KLHL1: variants seen among roughly 807,000 people sequenced by gnomAD.
KLHL1 encodes the protein kelch like family member 1, also known as kelch-like protein 1.
In KLHL1, 47 loss-of-function variants were observed where a neutral mutation model predicts 77.7. The observed-to-expected ratio is 0.60, with a 90% CI of 0.48 to 0.77. The LOEUF is 0.77. Ranked by LOEUF, KLHL1 falls within the 30% of genes least tolerant of loss-of-function variation. KLHL1 has a pLI of 0.00. For synonymous variants in KLHL1, 360 were observed against 325.2 expected, an observed-to-expected ratio of 1.11 and a Z score of -1.15; for missense variants, 925 against 910.8, an observed-to-expected ratio of 1.02 and a Z score of -0.20.
Position 69,967,297 on chromosome 13 carries a change from A to C in KLHL1, c.681-5853T>G, listed in dbSNP as rs187389564. Among the ~76,000 whole-genome samples, 319 of 152,272 alleles carry C rather than the reference A, an allele frequency of 2.1e-3. 4 individuals carry two copies. The highest frequency in any genetic ancestry group is 7.5e-3 in the African/African-American group (311 of 41,566). On this transcript the variant is annotated intron_variant, in intron 2 of 10. Transcript: ENST00000377844. ...AAGTACATTCATAAGTCATGGGAGGAAGTAAAAATAACAACTAGTTTGGAA... is the reference window on the plus strand; with the variant it reads ...AAGTACATTCATAAGTCATGGGAGGCAGTAAAAATAACAACTAGTTTGGAA...
intron 1 of KLHL1, among the ~76,000 whole-genome samples, chr13:70,075,600 C>CAT (rs1555295396): frequency 2.0e-4 from 13 of 63,644 alleles, no homozygotes; most frequent in African/African-American, 7.4e-4. Flanking sequence ...CACACACACA[C>CAT]ATATATATAG....
Position 69,975,734 on chromosome 13 carries a change from T to G in KLHL1, c.566A>C (p.Tyr189Ser). The G allele has an allele frequency of 6.2e-7, 1 of 1,613,558 alleles. No individual in the cohort carries two copies. The highest frequency in any genetic ancestry group is 2.2e-5 in the East Asian group (1 of 44,816). ...DLDSSSSEEFYQAVHHAEQTF... is the reference protein window; with the variant it reads ...DLDSSSSEEFSQAVHHAEQTF... Reference sequence around the variant, plus strand: ...TTGCTCAGCATGATGAACAGCTTGATAGAATTCTTCAGAGCTACTGGAGTC... The same window carrying G: ...TTGCTCAGCATGATGAACAGCTTGAGAGAATTCTTCAGAGCTACTGGAGTC... The change falls in exon 2 of 11, where the codon TAT becomes TCT. Residue 189 changes from tyrosine to serine, a missense_variant. Coordinates refer to ENST00000377844, the MANE Select transcript of KLHL1 (RefSeq NM_020866.3).
At chr13:69,854,299 A>T (rs936696484) in intron 5 of KLHL1, among the ~76,000 whole-genome samples, 38 of 152,026 alleles carry the variant, frequency 2.5e-4, no homozygotes, top group African/African-American at 8.0e-4. Context: ...GAGGAAGATG[A>T]AGGGGGGCCA....
intron 4 of KLHL1, among the ~76,000 whole-genome samples, chr13:69,922,475 A>T (rs2138266471): frequency 6.6e-6 from 1 of 152,312 alleles, no homozygotes; most frequent in South Asian, 2.1e-4. Flanking sequence ...CTGTTTGCTA[A>T]TAGCTTATAC....
chr13:69,855,333 T>G (rs758649037), intron 5 of KLHL1, among the ~76,000 whole-genome samples: 62 of 98,038 alleles, frequency 6.3e-4, no homozygotes, highest in Non-Finnish European at 8.3e-4. Flanking sequence ...GATAGATAGA[T>G]AGATAGATAG....
intron 6 of KLHL1, among the ~76,000 whole-genome samples, chr13:69,819,944 C>T (rs1008294683): frequency 1.8e-4 from 27 of 152,178 alleles, no homozygotes; most frequent in Admixed American, 1.3e-3. Context: ...AGTCAGAGGG[C>T]TCTCTGCTTG....
chr13:69,845,122 C>T (rs1879409318), intron 5 of KLHL1, among the ~76,000 whole-genome samples: 2 of 151,680 alleles, frequency 1.3e-5, no homozygotes, highest in Admixed American at 1.3e-4. Context: ...ACCATTTTAC[C>T]ACAGTGCAAA....
intron 1 of KLHL1, among the ~76,000 whole-genome samples, chr13:70,041,321 G>A (rs1446624953): frequency 6.6e-6 from 1 of 152,090 alleles, no homozygotes; most frequent in African/African-American, 2.4e-5. Context: ...TGCAACCCAG[G>A]TGTTATAAAT....
rs377751835 is a variant in KLHL1 at position 69,813,014 on chromosome 13, T to C, written c.1415-16052A>G. 1.3e-4 allele frequency among the ~76,000 whole-genome samples: 20 copies of C among 149,910 alleles called. No individual in the cohort carries two copies. The East Asian group carries it at 2.2e-3, about 16-fold the overall frequency. On this transcript the variant is annotated intron_variant, in intron 6 of 10. Coordinates refer to ENST00000377844, the MANE Select transcript of KLHL1 (RefSeq NM_020866.3). ...ATTATAAATCATGCTGCTATAAAGA[T>C]ACATGCACACATATGTTTATTGTGG...
intron 1 of KLHL1, among the ~76,000 whole-genome samples, chr13:70,101,924 T>C (rs376952870): frequency 6.7e-6 from 1 of 148,534 alleles, no homozygotes; most frequent in East Asian, 2.0e-4. Context: ...GTAAACTATG[T>C]AACACAGAAA....
intron 1 of KLHL1, among the ~76,000 whole-genome samples, chr13:70,061,471 G>A (rs1886883804): frequency 6.6e-6 from 1 of 151,912 alleles, no homozygotes; most frequent in South Asian, 2.1e-4. Flanking sequence ...ATTCCCTTAA[G>A]TTAGTAAGTG....
chr13:70,003,155 A>T (rs180899504), intron 1 of KLHL1, among the ~76,000 whole-genome samples: 2 of 151,880 alleles, frequency 1.3e-5, no homozygotes, highest in Admixed American at 1.3e-4. Flanking sequence ...AATAACAATT[A>T]TGAGCATACA....
chr13:69,780,130 G>T (rs1452615645), intron 7 of KLHL1, among the ~76,000 whole-genome samples: 1 of 152,048 alleles, frequency 6.6e-6, no homozygotes, highest in East Asian at 1.9e-4. Flanking sequence ...TTATCAATCA[G>T]ATATCCATAA....
In KLHL1 at chr13:69,836,256, A is replaced by T. The variant is rs548400778; in HGVS notation, c.1414+2720T>A. ...AATTGCAGCTCAGGGCAATCAAGGC[A>T]GTCAGGACCTTAGACTCCTGTCCCT... On this transcript the variant is annotated intron_variant, in intron 6 of 10. Coordinates refer to ENST00000377844, the MANE Select transcript of KLHL1 (RefSeq NM_020866.3). Among the ~76,000 whole-genome samples, 3 of 152,234 alleles carry T rather than the reference A, an allele frequency of 2.0e-5. No individual in the cohort carries two copies. The South Asian group carries it at 6.2e-4, about 32-fold the overall frequency.
intron 4 of KLHL1, among the ~76,000 whole-genome samples, chr13:69,932,050 C>T (rs746279305): frequency 1.9e-4 from 29 of 151,638 alleles, no homozygotes; most frequent in Middle Eastern, 3.4e-3. Flanking sequence ...TTGTATATTT[C>T]AAATTATTAA....
intron 7 of KLHL1, among the ~76,000 whole-genome samples, chr13:69,750,620 A>T (rs1266322777): frequency 2.0e-5 from 3 of 151,944 alleles, no homozygotes; most frequent in Non-Finnish European, 2.9e-5. Flanking sequence ...AAATTTCTAT[A>T]TCTGTGTAAG....
chr13:69,854,065 G>T (rs1045065821), intron 5 of KLHL1, among the ~76,000 whole-genome samples: 5 of 152,072 alleles, frequency 3.3e-5, no homozygotes, highest in Non-Finnish European at 5.9e-5. Context: ...ATTTAACTTT[G>T]GAAATGATTT....
chr13:69,914,967 A>G (rs1882371761), intron 4 of KLHL1, among the ~76,000 whole-genome samples: 2 of 152,220 alleles, frequency 1.3e-5, no homozygotes, highest in African/African-American at 4.8e-5. Context: ...ACACTAACAT[A>G]TCACTTTTTG....
At chr13:69,722,371 G>A (rs540657385) in intron 8 of KLHL1, among the ~76,000 whole-genome samples, 2 of 151,492 alleles carry the variant, frequency 1.3e-5, no homozygotes, top group African/African-American at 4.8e-5. Context: ...ACATTAAAAA[G>A]CAATGATGAC....
Sources: gnomAD v4.1 joint callset for allele counts (sites outside exome capture counted in the v4.1 genomes callset) on GRCh38, gnomAD v4.1.1 for gene constraint, MANE v1.5 for transcripts, NCBI Gene and HGNC (gene_info 2026-07-23, HGNC 2026-07-21) for gene names.